ARHGEF17: variants seen among roughly 807,000 people sequenced by gnomAD.
ARHGEF17 encodes the protein Rho guanine nucleotide exchange factor 17, also known as 164 kDa Rho-specific guanine-nucleotide exchange factor.
ARHGEF17 carries 80 observed loss-of-function variants against 174.0 expected under a neutral mutation model. That is an observed-to-expected ratio of 0.46 (90% confidence interval 0.38 to 0.55). The LOEUF (loss-of-function observed/expected upper bound fraction) is 0.55. Ranked by LOEUF, ARHGEF17 falls within the 20% of genes least tolerant of loss-of-function variation. ARHGEF17 has a pLI of 0.00. For missense variants in ARHGEF17, 2,886 were observed against 2,839.7 expected, an observed-to-expected ratio of 1.02 and a Z score of -0.37; for synonymous variants, 1,311 against 1,189.1, an observed-to-expected ratio of 1.10 and a Z score of -2.11.
chr11:73,343,745 C>G (rs968149527), intron 1 of ARHGEF17, among the ~76,000 whole-genome samples: 1 of 151,724 alleles, frequency 6.6e-6, no homozygotes, highest in South Asian at 2.1e-4. Context: ...GTGTGTACCC[C>G]TGCAGGGGAG....
Position 73,346,921 on chromosome 11 carries a change from A to G in ARHGEF17, c.3231A>G (p.Thr1077=), listed in dbSNP as rs1057399072. The G allele has an allele frequency of 2.6e-6, 4 of 1,545,042 alleles. No individual in the cohort carries two copies. The highest frequency in any genetic ancestry group is 3.5e-6 in the Non-Finnish European group (4 of 1,137,994). Reference sequence around the variant, plus strand: ...ACGTGGCCATGACCCTGCTGGACACAGAGCAGTCGTATGTGGAGTCGCTGC... The same window carrying G: ...ACGTGGCCATGACCCTGCTGGACACGGAGCAGTCGTATGTGGAGTCGCTGC... ...RKHVAMTLLD[T]EQSYVESLRT... is the part of the protein sequence containing the mutation. Residue 1077 remains threonine (T), a synonymous_variant, in exon 2 of 21, where the codon ACA becomes ACG. Transcript: ENST00000263674.
At position 73,356,289 on chromosome 11, in the gene ARHGEF17, G is replaced by A. The variant is rs1464277911; in HGVS notation, c.3778G>A (p.Glu1260Lys). The A allele has an allele frequency of 6.2e-7, 1 of 1,613,572 alleles. No homozygotes were observed. The highest frequency in any genetic ancestry group is 1.3e-5 in the African/African-American group (1 of 75,036). The change falls in exon 6 of 21, where the codon GAG (glutamate) becomes AAG (lysine). Residue 1260 changes from glutamate to lysine, a missense_variant. By Grantham distance (56) the Glu-to-Lys change is moderately conservative. Transcript: ENST00000263674. ...RINKGVRSAE[E>K]AERHARVLQE... ...CAACAAGGGTGTGCGGAGTGCCGAG[G>A]AGGCGGAGCGCCATGCCCGTGTGCT... is the stretch of plus-strand genomic sequence containing the variant.
chr11:73,352,954 G>A lies in ARHGEF17; in HGVS notation c.3395G>A (p.Arg1132Gln), dbSNP rs767431900. Residue 1132 changes from arginine to glutamine, a missense_variant, in exon 3 of 21, where the codon CGG becomes CAG. Physicochemically the swap from Arg to Gln is conservative, Grantham distance 43 (BLOSUM62 1). Around this residue, in one of 4 missense-constraint regions of ARHGEF17, gnomAD observed 353 missense variants for 470.3 expected, o/e 0.75. Coordinates refer to ENST00000263674, the MANE Select transcript of ARHGEF17 (RefSeq NM_014786.4). ...EHHEQFLEQV[R>Q]HCMQTWHAQQ... is the part of the protein sequence containing the mutation. Reference sequence around the variant, plus strand: ...CACGAGCAATTCCTGGAGCAGGTTCGGCACTGCATGCAGACCTGGCATGCC... The same window carrying A: ...CACGAGCAATTCCTGGAGCAGGTTCAGCACTGCATGCAGACCTGGCATGCC... 8.1e-6 allele frequency: 13 copies of A among 1,613,980 alleles called. No individual in the cohort carries two copies. Among genetic ancestry groups the A allele is most frequent in the African/African-American group, 4.0e-5 (3 of 74,912 alleles).
In ARHGEF17 at chr11:73,355,514, C is replaced by T. The variant is rs1389834561; in HGVS notation, c.3454-19C>T. 12 of 1,593,358 alleles carry T rather than the reference C, an allele frequency of 7.5e-6. No homozygotes were observed. The highest frequency in any genetic ancestry group is 1.0e-5 in the Non-Finnish European group (12 of 1,161,360). ...TGAGGGACACCTTGAGGGTCCCCAACCTGCCTCCTCCTCCACAGTTCTCCA... is the reference window on the plus strand; with the variant it reads ...TGAGGGACACCTTGAGGGTCCCCAATCTGCCTCCTCCTCCACAGTTCTCCA... On this transcript the variant is annotated intron_variant, in intron 3 of 20. Transcript: ENST00000263674.
At position 73,309,156 on chromosome 11, in the gene ARHGEF17, C is replaced by A; in HGVS notation, c.518C>A (p.Pro173His). Residue 173 changes from proline to histidine, a missense_variant, in exon 1 of 21, where the codon CCT becomes CAT. Transcript: ENST00000263674. The part of the protein sequence containing the change: ...RESRQPPTPP[P>H]RTCFPLAGLR... ...TCGCGGCAGCCACCGACGCCACCCC[C>A]TCGGACATGCTTCCCCCTGGCGGGT... The A allele has an allele frequency of 1.3e-6, 2 of 1,589,218 alleles. No individual in the cohort carries two copies. Among genetic ancestry groups the A allele is most frequent in the Non-Finnish European group, 1.7e-6 (2 of 1,169,016 alleles).
intron 1 of ARHGEF17, among the ~76,000 whole-genome samples, chr11:73,330,187 A>C (rs1157833193): frequency 6.6e-6 from 1 of 152,100 alleles, no homozygotes; most frequent in Non-Finnish European, 1.5e-5. Flanking sequence ...CTGGCATATG[A>C]GTTGCAAATA....
rs11235723 is a variant in ARHGEF17, at chr11:73,329,375, T to A, written c.3193-17508T>A. Reference sequence around the variant, plus strand: ...TATATATATATATATATATATATATTTTTTTTTTTTTTTTGTATTTTGGGT... The same window carrying A: ...TATATATATATATATATATATATATATTTTTTTTTTTTTTGTATTTTGGGT... On this transcript the variant is annotated intron_variant, in intron 1 of 20. Coordinates refer to ENST00000263674, the MANE Select transcript of ARHGEF17 (RefSeq NM_014786.4). 2.8e-4 allele frequency among the ~76,000 whole-genome samples: 26 copies of A among 91,460 alleles called. 1 individual carries two copies. Among genetic ancestry groups the A allele is most frequent in the East Asian group, 1.1e-3 (4 of 3,576 alleles). The allele number at this position is 91,460 out of a possible 152,430, so 60.0% of individuals were successfully genotyped here.
In ARHGEF17 at chr11:73,368,831, A is replaced by T. The variant is rs1407563076; in HGVS notation, c.*1051A>T. The stretch of plus-strand genomic sequence containing the variant: ...AGCCTTTTCAACAGAGAAGGCTCCC[A>T]CTTGAGAGCAGCCTCTACCTGACCC... On this transcript the variant is annotated 3_prime_UTR_variant, in exon 21 of 21. Transcript: ENST00000263674. 1 of 152,146 alleles carries T rather than the reference A, an allele frequency of 6.6e-6. No individual in the cohort carries two copies. The highest frequency in any genetic ancestry group is 3.2e-3 in the Middle Eastern group (1 of 316). The allele number at this position is 152,146 out of a possible 1,614,324, so 9.4% of individuals were successfully genotyped here.
rs369928418 is a variant in ARHGEF17 at position 73,353,081 on chromosome 11, G to A, written c.3453+69G>A. On this transcript the variant is annotated intron_variant, in intron 3 of 20. Transcript: ENST00000263674. ...CCTGGAAGGGGCTGGATGTGGCCAC[G>A]GACCCCACCCCCACCCATCCCACCT... The A allele has an allele frequency of 4.2e-5, 67 of 1,579,294 alleles. No homozygotes were observed. In the African/African-American group the frequency reaches 6.6e-4, roughly 16 times the overall value.
intron 7 of ARHGEF17, 44 bp from the exon 8 acceptor site, chr11:73,356,975 GGCTTCT>G: frequency 6.3e-7 from 1 of 1,592,372 alleles, no homozygotes; most frequent in Non-Finnish European, 8.6e-7. Flanking sequence ...CAGGGGGGTG[GGCTTCT>G]GGACTGTGTC....
chr11:73,326,999 G>A (rs1195330830), intron 1 of ARHGEF17, among the ~76,000 whole-genome samples: 1 of 152,216 alleles, frequency 6.6e-6, no homozygotes, highest in Non-Finnish European at 1.5e-5. Flanking sequence ...AGGCTCAGAA[G>A]GGCAACCAGC....
chr11:73,358,493 C>CTGT lies in ARHGEF17; in HGVS notation c.4087+1169_4087+1171dup, dbSNP rs909760051. 2.1e-5 allele frequency among the ~76,000 whole-genome samples: 3 copies of CTGT among 140,346 alleles called. No individual in the cohort carries two copies. In the Admixed American group the frequency reaches 2.3e-4, roughly 11 times the overall value. The allele number at this position is 140,346 out of a possible 152,430, so 92.1% of individuals were successfully genotyped here. A position where few individuals can be genotyped will look rare whatever the true frequency, so the allele number is the denominator to read the frequency against. ...TTTTTTTTTGAGACGGAGTCTCACTCTGTTGCCAAGCTGGAGTGCAGTGGC... is the reference window on the plus strand; with the variant it reads ...TTTTTTTTTGAGACGGAGTCTCACTCTGTTGTTGCCAAGCTGGAGTGCAGTGGC... On this transcript the variant is annotated intron_variant, in intron 9 of 20. Coordinates refer to ENST00000263674, the MANE Select transcript of ARHGEF17 (RefSeq NM_014786.4).
chr11:73,349,756 C>T (rs749384610), intron 2 of ARHGEF17, among the ~76,000 whole-genome samples: 12 of 152,224 alleles, frequency 7.9e-5, no homozygotes, highest in Non-Finnish European at 1.0e-4. Flanking sequence ...CTCCCAGACC[C>T]GTCCAGGGCT....
In ARHGEF17 at chr11:73,311,106, C is replaced by G. The variant is rs1864822500; in HGVS notation, c.2468C>G (p.Pro823Arg). The G allele has an allele frequency of 6.2e-7, 1 of 1,606,284 alleles. No homozygotes were observed. Residue 823 changes from proline to arginine, a missense_variant, in exon 1 of 21, where the codon CCC (proline) becomes CGC (arginine). Pro to Arg is a moderately radical substitution (Grantham distance 103). Transcript: ENST00000263674. The stretch of plus-strand genomic sequence containing the variant: ...GACGACAGGATTGCTGGCAAAGCCC[C>G]CAAGAAGAAATCCCTGAGTGACCCC... ...VVDDRIAGKA[P>R]KKKSLSDPSR...
In ARHGEF17 at chr11:73,359,835, G is replaced by A. The variant is rs747811514; in HGVS notation, c.4089G>A (p.Gly1363=). ...LPLEDADIIK[G]ASQATNRENI... ...CACGGCCTTCCTCTCTCCCTCTAGG[G>A]GCATCCCAAGCCACCAATCGGGAGA... Residue 1363 remains glycine, a splice_region_variant and synonymous_variant, in exon 10 of 21, where the codon GGG becomes GGA. Coordinates refer to ENST00000263674, the MANE Select transcript of ARHGEF17 (RefSeq NM_014786.4). The A allele has an allele frequency of 1.0e-5, 16 of 1,603,908 alleles. No individual in the cohort carries two copies. Among genetic ancestry groups the A allele is most frequent in the Admixed American group, 8.5e-5 (5 of 58,988 alleles).
At chr11:73,361,930 A>C in intron 12 of ARHGEF17, 110 bp from the exon 13 acceptor site, 1 of 1,234,088 alleles carries the variant, frequency 8.1e-7, no homozygotes, top group Non-Finnish European at 1.1e-6. Flanking sequence ...CCACACACAC[A>C]CACCCATGCA....
At position 73,357,079 on chromosome 11, in the gene ARHGEF17, G is replaced by T. The variant is rs370494524; in HGVS notation, c.3946G>T (p.Val1316Phe). ...RSLFLFTDLI[V>F]CTTLKRKSGS... ...TCTCTTCCTGTTCACGGACCTCATCGTCTGCACCACTCTGAAGCGAAAGTC... is the reference window on the plus strand; with the variant it reads ...TCTCTTCCTGTTCACGGACCTCATCTTCTGCACCACTCTGAAGCGAAAGTC... Residue 1316 changes from valine (V) to phenylalanine (F), a missense_variant, in exon 8 of 21, where the codon GTC becomes TTC. Coordinates refer to ENST00000263674, the MANE Select transcript of ARHGEF17 (RefSeq NM_014786.4). 1 of 1,614,188 alleles carries T rather than the reference G, an allele frequency of 6.2e-7. No individual in the cohort carries two copies. The highest frequency in any genetic ancestry group is 1.3e-5 in the African/African-American group (1 of 75,040).
intron 1 of ARHGEF17, among the ~76,000 whole-genome samples, chr11:73,313,634 C>G (rs537364232): frequency 6.6e-6 from 1 of 152,248 alleles, no homozygotes; most frequent in Admixed American, 6.5e-5. Flanking sequence ...GAACAGAGGC[C>G]TTCTCTGATC....
rs532463151 is a variant in ARHGEF17, at chr11:73,336,360, T to G, written c.3193-10523T>G. Among the ~76,000 whole-genome samples, 24 of 152,198 alleles carry G rather than the reference T, an allele frequency of 1.6e-4. No homozygotes were observed. In the East Asian group the frequency reaches 3.1e-3, roughly 20 times the overall value. On this transcript the variant is annotated intron_variant, in intron 1 of 20. Coordinates refer to ENST00000263674, the MANE Select transcript of ARHGEF17 (RefSeq NM_014786.4). ...ACATTAGCCAGCTGTATACATGAGC[T>G]CCCACCAAGGATACAGTGAGCACAC...
Sources: gnomAD v4.1 joint callset for allele counts (sites outside exome capture counted in the v4.1 genomes callset) on GRCh38, gnomAD v4.1.1 for gene constraint, gnomAD v4.1.1 regional missense constraint, MANE v1.5 for transcripts, NCBI Gene and HGNC (gene_info 2026-07-23, HGNC 2026-07-21) for gene names.